CAPN3: variants seen among roughly 807,000 people sequenced by gnomAD.
The protein encoded by CAPN3 is calpain-3.
Under a neutral mutation model 114.0 loss-of-function variants are expected in CAPN3, and 88 were observed. The observed-to-expected ratio is 0.77, with a 90% confidence interval of 0.65 to 0.92. CAPN3 has a LOEUF of 0.92. Among genes scored for constraint, CAPN3 ranks in the 40% least tolerant of loss-of-function variants. The probability of loss-of-function intolerance (pLI) is 0.00; values close to 1 mark genes in which losing one functional copy is unlikely to be tolerated. For missense variants in CAPN3, 1,028 were observed against 1,069.0 expected (o/e 0.96, Z 0.53); for synonymous variants, 386 against 382.9 (o/e 1.01, Z -0.09).
In CAPN3 at chr15:42,385,596, ACT is replaced by A. The variant is rs28364391; in HGVS notation, c.380-568_380-567del. The A allele has an allele frequency of 5.5e-3, 2,794 of 506,706 alleles. 67 individuals carry two copies. Among genetic ancestry groups the A allele is most frequent in the African/African-American group, 0.05 (2,573 of 51,504 alleles). The allele number at this position is 506,706 out of a possible 1,614,324, so 31.4% of individuals were successfully genotyped here. A position where few individuals can be genotyped will look rare whatever the true frequency, so the allele number is the denominator to read the frequency against. ...AGTGTTACCTCCAACTACATACAGT[ACT>A]CTGTCAGAAAAGAGGTTCAGAGAAT... On this transcript the variant is annotated intron_variant, in intron 2 of 23. Coordinates refer to ENST00000397163, the MANE Select transcript of CAPN3 (RefSeq NM_000070.3).
intron 1 of CAPN3, among the ~76,000 whole-genome samples, chr15:42,360,410 C>T (rs547599595): frequency 6.6e-6 from 1 of 151,460 alleles, no homozygotes; most frequent in Admixed American, 6.6e-5. Flanking sequence ...GTGGGTGGAA[C>T]TCAGTTTAAT....
chr15:42,403,159 C>T (rs574008054), intron 13 of CAPN3, among the ~76,000 whole-genome samples, 157 bp downstream of exon 13: 198 of 152,324 alleles, frequency 1.3e-3, no homozygotes, highest in African/African-American at 4.7e-3. Context: ...TTCATCCATT[C>T]TGTGATATTT....
At position 42,390,034 on chromosome 15, in the gene CAPN3, G is replaced by T; in HGVS notation, c.883G>T (p.Asp295Tyr). 1 of 1,614,092 alleles carries T rather than the reference G, an allele frequency of 6.2e-7. No homozygotes were observed. Among genetic ancestry groups the T allele is most frequent in the Non-Finnish European group, 8.5e-7 (1 of 1,179,992 alleles). Residue 295 changes from aspartate (D) to tyrosine (Y), a missense_variant, in exon 6 of 24, where the codon GAT (aspartate) becomes TAT (tyrosine). Asp to Tyr is a radical substitution (Grantham distance 160). Transcript: ENST00000397163. ...GATTGCACGGATGGTAAGGAATATG[G>T]ATAACTCACTGCTCCAGGACTCAGA... Reference protein sequence around the residue: ...ELIARMVRNMDNSLLQDSDLD... With the variant: ...ELIARMVRNMYNSLLQDSDLD...
At position 42,386,214 on chromosome 15, in the gene CAPN3, C is replaced by A. The variant is rs1219317944; in HGVS notation, c.427C>A (p.His143Asn). 1.2e-6 allele frequency: 2 copies of A among 1,614,140 alleles called. No individual in the cohort carries two copies. Among genetic ancestry groups the A allele is most frequent in the Non-Finnish European group, 1.7e-6 (2 of 1,180,002 alleles). ...CATTGCCTGCCTGACCCTGAACCAGCACCTTCTTTTCCGAGTCATACCCCA... is the reference window on the plus strand; with the variant it reads ...CATTGCCTGCCTGACCCTGAACCAGAACCTTCTTTTCCGAGTCATACCCCA... ...AAIACLTLNQHLLFRVIPHDQ... is the reference protein window; with the variant it reads ...AAIACLTLNQNLLFRVIPHDQ... Residue 143 changes from histidine to asparagine, a missense_variant, in exon 3 of 24, where the codon CAC (histidine) becomes AAC (asparagine). Coordinates refer to ENST00000397163, the MANE Select transcript of CAPN3 (RefSeq NM_000070.3).
intron 1 of CAPN3, among the ~76,000 whole-genome samples, chr15:42,377,865 G>A (rs1164886023): frequency 6.6e-6 from 1 of 152,172 alleles, no homozygotes; most frequent in East Asian, 1.9e-4. Context: ...GTGCTATTCA[G>A]ATTATCTAAT....
intron 1 of CAPN3, among the ~76,000 whole-genome samples, chr15:42,375,906 G>T (rs1272420171): frequency 6.6e-6 from 1 of 152,132 alleles, no homozygotes; most frequent in Admixed American, 6.5e-5. Flanking sequence ...ATTACATTTA[G>T]TAGTAACGTC....
chr15:42,404,560 C>T (rs532870191), intron 14 of CAPN3, among the ~76,000 whole-genome samples: 16 of 152,288 alleles, frequency 1.1e-4, no homozygotes, highest in African/African-American at 3.6e-4. Flanking sequence ...TAGGTTTTTC[C>T]GCACCTCCAC....
Position 42,401,976 on chromosome 15 carries a change from G to A in CAPN3, c.1525-148G>A, listed in dbSNP as rs533104981. ...TAACAAGCAAAAAATACCAGGGGGG[G>A]CATTAGAGAGGCAGTGGAGCGGGCC... On this transcript the variant is annotated intron_variant, in intron 11 of 23. Coordinates refer to ENST00000397163, the MANE Select transcript of CAPN3 (RefSeq NM_000070.3). 213 of 1,283,574 alleles carry A rather than the reference G, an allele frequency of 1.7e-4. No individual in the cohort carries two copies. The African/African-American group carries it at 2.5e-3, about 15-fold the overall frequency. 79.5% of individuals were successfully genotyped at this position (1,283,574 alleles called of 1,614,324 possible). A position where few individuals can be genotyped will look rare whatever the true frequency, so the allele number is the denominator to read the frequency against.
intron 2 of CAPN3, among the ~76,000 whole-genome samples, chr15:42,384,769 G>C (rs191802660): frequency 6.6e-6 from 1 of 152,222 alleles, no homozygotes; most frequent in Non-Finnish European, 1.5e-5. Context: ...GCATCACAGG[G>C]GGTATCTGCA....
chr15:42,407,340 G>GT (rs28364521), intron 15 of CAPN3, among the ~76,000 whole-genome samples: 21,763 of 151,532 alleles, frequency 0.14, 2,022 homozygotes, highest in East Asian at 0.34. Context: ...GATATTTTTG[G>GT]TTTTTTTTGA....
chr15:42,409,527 C>A, intron 17 of CAPN3, 147 bp downstream of exon 17: 1 of 936,216 alleles, frequency 1.1e-6, no homozygotes, highest in Non-Finnish European at 1.7e-6. Context: ...CACACAAATC[C>A]ACAAGCCCTT....
intron 14 of CAPN3, 58 bp from the exon 15 acceptor site, chr15:42,405,868 G>C: frequency 7.0e-7 from 1 of 1,425,656 alleles, no homozygotes; most frequent in Non-Finnish European, 9.9e-7. Context: ...AGCCACTGGC[G>C]GTTCTGAGAA....
intron 9 of CAPN3, among the ~76,000 whole-genome samples, chr15:42,398,635 A>G (rs77749556): frequency 0.26 from 36,812 of 142,678 alleles, 6,885 homozygotes; most frequent in African/African-American, 0.53. Flanking sequence ...ACACACACAC[A>G]TATATATACA....
In CAPN3 at chr15:42,405,952, G is replaced by T. The variant is rs917718272; in HGVS notation, c.1800+9G>T. ...AAAAGAAAAAAACCAAGGTAGGTGT[G>T]TGGGTAGAGAGCATGAAGTGTGTGT... On this transcript the variant is annotated intron_variant, in intron 15 of 23. Transcript: ENST00000397163. 1 of 1,610,886 alleles carries T rather than the reference G, an allele frequency of 6.2e-7. No homozygotes were observed. Among genetic ancestry groups the T allele is most frequent in the Non-Finnish European group, 8.5e-7 (1 of 1,177,156 alleles).
At chr15:42,370,961 G>A (rs1278154787) in intron 1 of CAPN3, among the ~76,000 whole-genome samples, 1 of 152,140 alleles carries the variant, frequency 6.6e-6, no homozygotes, top group Non-Finnish European at 1.5e-5. Context: ...ACCGATTAAC[G>A]ATGTGACCTC....
chr15:42,373,816 A>G (rs1170040730), intron 1 of CAPN3, among the ~76,000 whole-genome samples: 1 of 152,098 alleles, frequency 6.6e-6, no homozygotes, highest in Non-Finnish European at 1.5e-5. Flanking sequence ...ATTACCCCCA[A>G]ACAATGGCAT....
chr15:42,390,194 C>T, intron 6 of CAPN3, 98 bp downstream of exon 6: 1 of 1,336,472 alleles, frequency 7.5e-7, no homozygotes. Context: ...GGGCCTTACC[C>T]ACACACCCCC....
Position 42,390,797 on chromosome 15 carries a change from T to TG in CAPN3, c.945+701_945+702insG, listed in dbSNP as rs200694308. The stretch of plus-strand genomic sequence containing the variant: ...AGTTTTTTTTGTTTTTTTGTTTTTT[T>TG]TTTTTTTTTTGGAAACCAAGTCTTG... On this transcript the variant is annotated intron_variant, in intron 6 of 23. Coordinates refer to ENST00000397163, the MANE Select transcript of CAPN3 (RefSeq NM_000070.3). Among the ~76,000 whole-genome samples, 102 of 150,380 alleles carry TG rather than the reference T, an allele frequency of 6.8e-4. 1 individual carries two copies. Among genetic ancestry groups the TG allele is most frequent in the East Asian group, 3.5e-3 (18 of 5,162 alleles).
At chr15:42,394,170 C>G in intron 7 of CAPN3, 86 bp from the exon 8 acceptor site, 2 of 1,269,732 alleles carry the variant, frequency 1.6e-6, no homozygotes, top group Non-Finnish European at 2.2e-6. Context: ...GATTTGCCCC[C>G]CAGCCCCGTC....
Sources: gnomAD v4.1 joint callset for allele counts (sites outside exome capture counted in the v4.1 genomes callset) on GRCh38, gnomAD v4.1.1 for gene constraint, MANE v1.5 for transcripts, NCBI Gene and HGNC (gene_info 2026-07-23, HGNC 2026-07-21) for gene names.